SLX4IP: variants seen among roughly 807,000 people sequenced by gnomAD.
SLX4IP encodes the protein SLX4 interacting protein, also known as protein SLX4IP.
SLX4IP carries 34 observed loss-of-function variants against 32.9 expected under a neutral mutation model. The ratio of observed to expected loss-of-function variants is 1.03; its 90% confidence interval spans 0.79 to 1.38. SLX4IP has a LOEUF of 1.38. SLX4IP is among the 40% of genes most tolerant of loss of function. The pLI, the probability that SLX4IP is intolerant of heterozygous loss-of-function variation, is 0.00. For missense variants in SLX4IP, 444 were observed against 479.0 expected (o/e 0.93, Z 0.68); for synonymous variants, 172 against 171.7 (o/e 1.00, Z -0.01).
rs1032150930 is a variant in SLX4IP at position 10,625,744 on chromosome 20, A to G, written c.*2365A>G. 5 of 152,184 alleles carry G rather than the reference A, an allele frequency of 3.3e-5. No individual in the cohort carries two copies. Among genetic ancestry groups the G allele is most frequent in the African/African-American group, 1.2e-4 (5 of 41,446 alleles). 9.4% of individuals were successfully genotyped at this position (152,184 alleles called of 1,614,324 possible). On this transcript the variant is annotated 3_prime_UTR_variant, in exon 8 of 8. Transcript: ENST00000334534. Reference sequence around the variant, plus strand: ...TCACAGCCCTCACGTCCCTTCATGTAAAAGGGATTTTAACAGGATTTACAG... The same window carrying G: ...TCACAGCCCTCACGTCCCTTCATGTGAAAGGGATTTTAACAGGATTTACAG...
chr20:10,488,342 C>G (rs1008855851), intron 2 of SLX4IP, among the ~76,000 whole-genome samples: 4 of 152,116 alleles, frequency 2.6e-5, no homozygotes, highest in African/African-American at 9.7e-5. Context: ...ATGCCATCAA[C>G]AAGCCAAGGA....
intron 2 of SLX4IP, among the ~76,000 whole-genome samples, chr20:10,485,539 C>T: frequency 6.6e-6 from 1 of 151,864 alleles, no homozygotes; most frequent in Non-Finnish European, 1.5e-5. Flanking sequence ...ATCGCTTGAA[C>T]CCAGGAGGTG....
chr20:10,510,244 G>A (rs186715937), intron 2 of SLX4IP, among the ~76,000 whole-genome samples: 6 of 151,966 alleles, frequency 3.9e-5, no homozygotes, highest in East Asian at 1.9e-4. Context: ...GCTGTGTGCC[G>A]TCCATGCACT....
rs2067109138 is a variant in SLX4IP, at chr20:10,621,323, G to C, written c.415G>C (p.Val139Leu). The change falls in exon 7 of 8, where the codon GTT becomes CTT. Residue 139 changes from valine to leucine, a missense_variant. Transcript: ENST00000334534. ...TTATCTTTTGGAGTAGACAGAAAGA[G>C]TTCTCCATGGAGTGTCTGATTACTT... is the stretch of plus-strand genomic sequence containing the variant. Reference protein sequence around the residue: ...ASQNEDLTERVLHGVSDYFAE... With the variant: ...ASQNEDLTERLLHGVSDYFAE... 1.2e-6 allele frequency: 2 copies of C among 1,614,140 alleles called. No individual in the cohort carries two copies. The highest frequency in any genetic ancestry group is 1.7e-6 in the Non-Finnish European group (2 of 1,179,962).
At chr20:10,548,133 G>T (rs2066181644) in intron 2 of SLX4IP, among the ~76,000 whole-genome samples, 1 of 152,196 alleles carries the variant, frequency 6.6e-6, no homozygotes, top group Admixed American at 6.5e-5. Flanking sequence ...GAGAAAGGAG[G>T]TGGTTCAACG....
At chr20:10,446,037 G>A (rs914982373) in intron 1 of SLX4IP, among the ~76,000 whole-genome samples, 5 of 151,314 alleles carry the variant, frequency 3.3e-5, no homozygotes, top group African/African-American at 1.2e-4. Context: ...ATATGCCAGG[G>A]TATAAAGGTA....
chr20:10,466,825 T>C (rs960396467), intron 2 of SLX4IP, among the ~76,000 whole-genome samples: 11 of 150,404 alleles, frequency 7.3e-5, no homozygotes, highest in African/African-American at 2.2e-4. Flanking sequence ...TAAGGTTTTA[T>C]TAATATTTAG....
intron 2 of SLX4IP, among the ~76,000 whole-genome samples, chr20:10,488,108 T>C (rs916481341): frequency 1.3e-5 from 2 of 152,160 alleles, no homozygotes; most frequent in African/African-American, 2.4e-5. Flanking sequence ...CTGCTCATAG[T>C]CCTTATTATG....
intron 2 of SLX4IP, among the ~76,000 whole-genome samples, chr20:10,531,332 A>G (rs1294831763): frequency 2.6e-5 from 4 of 152,202 alleles, no homozygotes; most frequent in East Asian, 1.9e-4. Context: ...TTCATTGCAT[A>G]GGGTTTGAGG....
intron 6 of SLX4IP, chr20:10,613,982 A>G (rs2066997723): frequency 5.8e-6 from 7 of 1,201,818 alleles, no homozygotes; most frequent in East Asian, 2.3e-5. Flanking sequence ...TTCCCTGCTC[A>G]TCGTACACTG....
intron 2 of SLX4IP, among the ~76,000 whole-genome samples, chr20:10,514,060 T>A (rs1165528589): frequency 6.6e-6 from 1 of 152,194 alleles, no homozygotes; most frequent in Non-Finnish European, 1.5e-5. Flanking sequence ...TTGTACATTT[T>A]CCAAAGCAGT....
At chr20:10,490,579 TG>T (rs925562476) in intron 2 of SLX4IP, among the ~76,000 whole-genome samples, 1 of 152,198 alleles carries the variant, frequency 6.6e-6, no homozygotes, top group Admixed American at 6.5e-5. Context: ...GCTCTTTTTT[TG>T]GGTAACCTAT....
rs33995611 is a variant in SLX4IP, at chr20:10,592,622, CTTTTTTTTTTTTTTTTTT to C, written c.239-6040_239-6023del. On this transcript the variant is annotated intron_variant, in intron 4 of 7. Transcript: ENST00000334534. ...GCTTGAAAGCACACGTATTCTTCAT[CTTTTTTTTTTTTTTTTTT>C]TTTTTTTTTTTTGAGATGGAGTCTC... 1.1e-4 allele frequency among the ~76,000 whole-genome samples: 6 copies of C among 55,168 alleles called. 1 individual carries two copies. In the East Asian group the frequency reaches 3.7e-3, roughly 34 times the overall value. 36.2% of individuals were successfully genotyped at this position (55,168 alleles called of 152,430 possible). A position where few individuals can be genotyped will look rare whatever the true frequency, so the allele number is the denominator to read the frequency against.
intron 6 of SLX4IP, among the ~76,000 whole-genome samples, chr20:10,608,878 A>G (rs1400946546): frequency 6.6e-6 from 1 of 151,968 alleles, no homozygotes; most frequent in African/African-American, 2.4e-5. Flanking sequence ...TATTATTAAT[A>G]TTTTCCCAAG....
chr20:10,580,617 C>A (rs2066573993), intron 4 of SLX4IP, among the ~76,000 whole-genome samples: 1 of 151,492 alleles, frequency 6.6e-6, no homozygotes, highest in Non-Finnish European at 1.5e-5. Flanking sequence ...CAGTTGAGTC[C>A]CTCAGGAGCA....
In SLX4IP at chr20:10,545,970, C is replaced by T. The variant is rs565057984; in HGVS notation, c.28-10261C>T. Among the ~76,000 whole-genome samples the T allele has an allele frequency of 5.3e-4, 80 of 152,306 alleles. No individual in the cohort carries two copies. The Middle Eastern group carries it at 0.014, about 26-fold the overall frequency. On this transcript the variant is annotated intron_variant, in intron 2 of 7. Coordinates refer to ENST00000334534, the MANE Select transcript of SLX4IP (RefSeq NM_001009608.3). ...GCTTTTCTTTCATGTCAGGATTCTT[C>T]ACAAATATTAAAGAATATTTTCTAA... is the stretch of plus-strand genomic sequence containing the variant.
intron 2 of SLX4IP, among the ~76,000 whole-genome samples, chr20:10,530,813 AT>A (rs917491039): frequency 1.3e-5 from 2 of 152,146 alleles, no homozygotes; most frequent in Non-Finnish European, 2.9e-5. Flanking sequence ...GAAAAAAAAA[AT>A]TACCAAGACT....
chr20:10,518,440 TTCC>T (rs2065870978), intron 2 of SLX4IP, among the ~76,000 whole-genome samples: 2 of 70,686 alleles, frequency 2.8e-5, no homozygotes, highest in African/African-American at 5.1e-5. Context: ...TCCCTCCTTC[TTCC>T]TTCCTTCCTT....
intron 2 of SLX4IP, among the ~76,000 whole-genome samples, chr20:10,520,706 GC>G (rs1306677800): frequency 6.6e-6 from 1 of 152,158 alleles, no homozygotes; most frequent in African/African-American, 2.4e-5. Flanking sequence ...TGAAGAATGA[GC>G]CCAGCTTTAA....
Sources: gnomAD v4.1 joint callset for allele counts (sites outside exome capture counted in the v4.1 genomes callset) on GRCh38, gnomAD v4.1.1 for gene constraint, MANE v1.5 for transcripts, NCBI Gene and HGNC (gene_info 2026-07-23, HGNC 2026-07-21) for gene names.